Variants in DDRGK1 observed in about 807,000 individuals in gnomAD.
The protein encoded by DDRGK1 is DDRGK domain containing 1.
Under a neutral mutation model 45.8 loss-of-function variants are expected in DDRGK1, and 38 were observed. The observed-to-expected ratio is 0.83, with a 90% CI of 0.64 to 1.09. DDRGK1 has a LOEUF of 1.09. Ranked by LOEUF, DDRGK1 falls within the 50% of genes least tolerant of loss-of-function variation. The pLI, the probability that DDRGK1 is intolerant of heterozygous loss-of-function variation, is 0.00. For synonymous variants in DDRGK1, 171 were observed against 168.7 expected (o/e 1.01, Z -0.11); for missense variants, 403 against 419.9 (o/e 0.96, Z 0.35).
chr20:3,191,397 G>C (rs1335076772), intron 7 of DDRGK1, 159 bp from the exon 8 acceptor site: 1 of 793,838 alleles, frequency 1.3e-6, no homozygotes. Context: ...CTGGGTAGAA[G>C]GGGCTCTGGT....
At chr20:3,195,728 C>T (rs2067007422) in intron 4 of DDRGK1, among the ~76,000 whole-genome samples, 1 of 152,004 alleles carries the variant, frequency 6.6e-6, no homozygotes, top group Non-Finnish European at 1.5e-5. Flanking sequence ...ACCTCATAAG[C>T]AAATGTGAAC....
chr20:3,195,075 GACAAGGCCTCTGGCC>G (rs2122232022), intron 5 of DDRGK1, among the ~76,000 whole-genome samples, 141 bp downstream of exon 5: 1 of 152,296 alleles, frequency 6.6e-6, no homozygotes, highest in East Asian at 1.9e-4. Flanking sequence ...CTCTGCTGAG[GACAAGGCCTCTGGCC>G]ACTAAAGCCT....
At position 3,190,963 on chromosome 20, in the gene DDRGK1, G is replaced by A. The variant is rs529487014; in HGVS notation, c.779-144C>T. 3.9e-4 allele frequency: 528 copies of A among 1,340,846 alleles called. 5 individuals carry two copies. The highest frequency in any genetic ancestry group is 3.6e-3 in the South Asian group (253 of 69,402). The allele number at this position is 1,340,846 out of a possible 1,614,324, so 83.1% of individuals were successfully genotyped here. A position where few individuals can be genotyped will look rare whatever the true frequency, so the allele number is the denominator to read the frequency against. ...GACTTTCCTGGCTGCATCCAGTCCT[G>A]CTAGGAGAGTCGAATCAGGCTGCCC... is the stretch of plus-strand genomic sequence containing the variant. On this transcript the variant is annotated intron_variant, in intron 8 of 8. Coordinates refer to ENST00000354488, the MANE Select transcript of DDRGK1 (RefSeq NM_023935.3).
rs780899879 is a variant in DDRGK1 at position 3,190,694 on chromosome 20, T to C, written c.904A>G (p.Ile302Val). 6 of 1,613,988 alleles carry C rather than the reference T, an allele frequency of 3.7e-6. No homozygotes were observed. The East Asian group carries it at 8.9e-5, about 24-fold the overall frequency. The change falls in exon 9 of 9, where the codon ATC (isoleucine) becomes GTC (valine). Residue 302 changes from isoleucine to valine, a missense_variant. Transcript: ENST00000354488. The stretch of plus-strand genomic sequence containing the variant: ...GCAGGGGACTCCCGGCCCCAGGCGA[T>C]GAGGGAGTTGCTGGCTTGGGCAAGC... ...AELAQASNSL[I>V]AWGRESPAQA...
chr20:3,202,187 C>T (rs1212171114), intron 2 of DDRGK1, among the ~76,000 whole-genome samples: 1 of 151,876 alleles, frequency 6.6e-6, no homozygotes, highest in Non-Finnish European at 1.5e-5. Context: ...ATCTCCTGAC[C>T]TCGTGATCCA....
In DDRGK1 at chr20:3,204,652, C is replaced by T. The variant is rs1293248192; in HGVS notation, c.-25G>A. ...TGACGAGGGCCTCAGTGCAGAACCACTGCGTCCACCCTGAGGCCGGGATCT... is the reference window on the plus strand; with the variant it reads ...TGACGAGGGCCTCAGTGCAGAACCATTGCGTCCACCCTGAGGCCGGGATCT... On this transcript the variant is annotated 5_prime_UTR_variant, in exon 1 of 9. The change creates a new upstream start codon in the 5' untranslated region. Transcript: ENST00000354488. 5 of 1,559,172 alleles carry T rather than the reference C, an allele frequency of 3.2e-6. No homozygotes were observed. In the South Asian group the frequency reaches 4.7e-5, roughly 15 times the overall value.
chr20:3,201,246 T>C (rs1436406264), intron 2 of DDRGK1, among the ~76,000 whole-genome samples: 2 of 142,242 alleles, frequency 1.4e-5, no homozygotes, highest in South Asian at 2.2e-4. Flanking sequence ...ATCGCGCCAC[T>C]GCACTCCATC....
At chr20:3,192,328 T>C (rs2066993138) in intron 6 of DDRGK1, among the ~76,000 whole-genome samples, 1 of 152,172 alleles carries the variant, frequency 6.6e-6, no homozygotes, top group Non-Finnish European at 1.5e-5. Flanking sequence ...GAGGGACACA[T>C]GCTGAACAAG....
rs1392579283 is a variant in DDRGK1 at position 3,203,411 on chromosome 20, G to C, written c.97C>G (p.Gln33Glu). 5.7e-6 allele frequency: 9 copies of C among 1,568,746 alleles called. No individual in the cohort carries two copies. Among genetic ancestry groups the C allele is most frequent in the African/African-American group, 1.4e-5 (1 of 72,932 alleles). ...RSRGRAASAG[Q>E]EPLHNEELAG... ...AGCTCCTCATTGTGCAGTGGCTCTT[G>C]GCCGGCTGTAGGGAAGACAGAAATG... The change falls in exon 2 of 9, where the codon CAA (glutamine) becomes GAA (glutamate). Residue 33 changes from glutamine to glutamate, a missense_variant. Coordinates refer to ENST00000354488, the MANE Select transcript of DDRGK1 (RefSeq NM_023935.3).
chr20:3,203,803 G>A (rs2067052852), intron 1 of DDRGK1, among the ~76,000 whole-genome samples: 1 of 152,214 alleles, frequency 6.6e-6, no homozygotes, highest in African/African-American at 2.4e-5. Context: ...CCCGGCGGTG[G>A]CCGAGCCTCC....
At chr20:3,197,310 A>T (rs2122235256) in intron 4 of DDRGK1, among the ~76,000 whole-genome samples, 1 of 152,194 alleles carries the variant, frequency 6.6e-6, no homozygotes, top group Admixed American at 6.6e-5. Flanking sequence ...ATTTCCATAT[A>T]ATTTATGTAA....
intron 3 of DDRGK1, 77 bp from the exon 4 acceptor site, chr20:3,200,179 G>A (rs2067029795): frequency 3.9e-6 from 6 of 1,538,192 alleles, no homozygotes; most frequent in East Asian, 2.3e-5. Context: ...GACTAGGGAA[G>A]GCAATGCCTG....
At position 3,204,651 on chromosome 20, in the gene DDRGK1, A is replaced by C; in HGVS notation, c.-24T>G. On this transcript the variant is annotated 5_prime_UTR_variant, in exon 1 of 9. Coordinates refer to ENST00000354488, the MANE Select transcript of DDRGK1 (RefSeq NM_023935.3). ...ATGACGAGGGCCTCAGTGCAGAACCACTGCGTCCACCCTGAGGCCGGGATC... is the reference window on the plus strand; with the variant it reads ...ATGACGAGGGCCTCAGTGCAGAACCCCTGCGTCCACCCTGAGGCCGGGATC... The C allele has an allele frequency of 1.9e-6, 3 of 1,559,592 alleles. 1 individual carries two copies. The highest frequency in any genetic ancestry group is 2.6e-6 in the Non-Finnish European group (3 of 1,156,940).
At chr20:3,194,947 T>C in intron 5 of DDRGK1, 79 bp from the exon 6 acceptor site, 1 of 1,569,228 alleles carries the variant, frequency 6.4e-7, no homozygotes, top group Non-Finnish European at 8.7e-7. Flanking sequence ...AAGTACCACC[T>C]GCTCACTTGA....
chr20:3,194,731 T>A lies in DDRGK1; in HGVS notation c.672+99A>T, dbSNP rs1046040340. ...CTGGGCCCCCCTGTCCACTCCTGCA[T>A]GAGCCTGAATGCCCTGCCTGCAGCC... On this transcript the variant is annotated intron_variant, in intron 6 of 8. Coordinates refer to ENST00000354488, the MANE Select transcript of DDRGK1 (RefSeq NM_023935.3). The A allele has an allele frequency of 6.0e-6, 9 of 1,509,148 alleles. No individual in the cohort carries two copies. The African/African-American group carries it at 1.2e-4, about 21-fold the overall frequency. The allele number at this position is 1,509,148 out of a possible 1,614,324, so 93.5% of individuals were successfully genotyped here.
chr20:3,194,735 C>T, intron 6 of DDRGK1, 95 bp downstream of exon 6: 2 of 1,527,564 alleles, frequency 1.3e-6, no homozygotes, highest in South Asian at 2.3e-5. Flanking sequence ...CCTGCATGAG[C>T]CTGAATGCCC....
intron 4 of DDRGK1, among the ~76,000 whole-genome samples, chr20:3,197,149 G>C (rs2067014706): frequency 6.6e-6 from 1 of 151,206 alleles, no homozygotes; most frequent in South Asian, 2.1e-4. Context: ...CTTGAACCTG[G>C]GAAGCGGAGG....
intron 2 of DDRGK1, among the ~76,000 whole-genome samples, chr20:3,200,970 T>C (rs931926569): frequency 9.9e-5 from 15 of 151,940 alleles, no homozygotes; most frequent in African/African-American, 2.9e-4. Context: ...ATTAGCTGGG[T>C]GTGGTGGCGG....
intron 4 of DDRGK1, among the ~76,000 whole-genome samples, chr20:3,196,825 C>T (rs1024133364): frequency 1.3e-4 from 20 of 152,118 alleles, no homozygotes; most frequent in Non-Finnish European, 2.9e-4. Flanking sequence ...ACTGAAAGGG[C>T]TCCCAATGGT....
Sources: allele counts gnomAD v4.1 joint callset (sites outside exome capture counted in the v4.1 genomes callset), GRCh38; gene constraint gnomAD v4.1.1; transcripts MANE v1.5; gene names NCBI Gene and HGNC (gene_info 2026-07-23, HGNC 2026-07-21).